Variants in MAP3K7 observed in about 807,000 individuals in gnomAD.
MAP3K7 encodes mitogen-activated protein kinase kinase kinase 7.
In MAP3K7, 21 loss-of-function variants were observed where a neutral mutation model predicts 84.8. That is an observed-to-expected ratio of 0.25 (90% confidence interval 0.18 to 0.36). MAP3K7 has a LOEUF of 0.36. Ranked by LOEUF, MAP3K7 falls within the 10% of genes least tolerant of loss-of-function variation. MAP3K7 has a pLI of 1.00. For missense variants in MAP3K7, 503 were observed against 747.7 expected (o/e 0.67, Z 3.82); for synonymous variants, 241 against 247.7 (o/e 0.97, Z 0.25).
chr6:90,528,397 G>A (rs1582168655), intron 13 of MAP3K7, among the ~76,000 whole-genome samples: 1 of 151,064 alleles, frequency 6.6e-6, no homozygotes, highest in Non-Finnish European at 1.5e-5. Context: ...AGAATCCATC[G>A]TATGTGAGTT....
In MAP3K7 at chr6:90,560,302, C is replaced by T. The variant is rs1279750670; in HGVS notation, c.344-88G>A. The T allele has an allele frequency of 5.1e-6, 7 of 1,366,408 alleles. No homozygotes were observed. In the East Asian group the frequency reaches 1.2e-4, roughly 23 times the overall value. The allele number at this position is 1,366,408 out of a possible 1,614,324, so 84.6% of individuals were successfully genotyped here. A position where few individuals can be genotyped will look rare whatever the true frequency, so the allele number is the denominator to read the frequency against. ...ATGCAAGCACTATCAGAACACATGA[C>T]TGGGTATTTTTCTACATATACATAT... On this transcript the variant is annotated intron_variant, in intron 4 of 16. Transcript: ENST00000369329.
At position 90,529,299 on chromosome 6, in the gene MAP3K7, G is replaced by GCGTAGT. The variant is rs901133538; in HGVS notation, c.1357-5517_1357-5516insACTACG. Among the ~76,000 whole-genome samples, 26 of 152,068 alleles carry GCGTAGT rather than the reference G, an allele frequency of 1.7e-4. 1 individual carries two copies. On this transcript the variant is annotated intron_variant, in intron 13 of 16. Transcript: ENST00000369329. ...AAAGATAATACGGCGTAGTGCACAG[G>GCGTAGT]GCATGCATAAAACTGAACCAGATAA...
chr6:90,556,637 A>G lies in MAP3K7; in HGVS notation c.483-13T>C. 6.4e-7 allele frequency: 1 copy of G among 1,573,984 alleles called. No homozygotes were observed. Among genetic ancestry groups the G allele is most frequent in the Non-Finnish European group, 8.6e-7 (1 of 1,167,356 alleles). On this transcript the variant is annotated splice_polypyrimidine_tract_variant and intron_variant, in intron 5 of 16. Coordinates refer to ENST00000369329, the MANE Select transcript of MAP3K7 (RefSeq NM_145331.3). Reference sequence around the variant, plus strand: ...AACCAGCAGTAAGCTGTTTAAAAAAAAACAAAAAACATCAAAAGTTACAAG... The same window carrying G: ...AACCAGCAGTAAGCTGTTTAAAAAAGAACAAAAAACATCAAAAGTTACAAG...
At chr6:90,570,477 T>C (rs985955518) in intron 2 of MAP3K7, among the ~76,000 whole-genome samples, 7 of 152,126 alleles carry the variant, frequency 4.6e-5, no homozygotes, top group Admixed American at 3.9e-4. Context: ...CTATCTCTTA[T>C]CATCCCAGCA....
chr6:90,539,092 G>C (rs1775771153), intron 12 of MAP3K7, among the ~76,000 whole-genome samples: 1 of 151,758 alleles, frequency 6.6e-6, no homozygotes, highest in Admixed American at 6.6e-5. Context: ...TTACATTACT[G>C]CTTCATGGTA....
intron 1 of MAP3K7, among the ~76,000 whole-genome samples, chr6:90,580,535 C>T (rs982187190): frequency 2.0e-5 from 3 of 152,118 alleles, no homozygotes; most frequent in Non-Finnish European, 2.9e-5. Context: ...TGCCCAGACT[C>T]GTCTCAAACT....
chr6:90,527,507 T>C (rs1404741673), intron 13 of MAP3K7, among the ~76,000 whole-genome samples: 2 of 152,146 alleles, frequency 1.3e-5, no homozygotes, highest in Non-Finnish European at 2.9e-5. Flanking sequence ...GCTCAAGCGA[T>C]CCTCCTGCCT....
intron 2 of MAP3K7, among the ~76,000 whole-genome samples, 191 bp downstream of exon 2, chr6:90,571,506 C>T (rs1776898897): frequency 6.6e-6 from 1 of 151,930 alleles, no homozygotes; most frequent in Admixed American, 6.6e-5. Context: ...TCGCTTTTCC[C>T]CTAATTTTTA....
In MAP3K7 at chr6:90,515,866, C is replaced by T. The variant is rs1207939422; in HGVS notation, c.*635G>A. On this transcript the variant is annotated 3_prime_UTR_variant, in exon 17 of 17. Coordinates refer to ENST00000369329, the MANE Select transcript of MAP3K7 (RefSeq NM_145331.3). ...CAATCAAATTTTAGTCTAACAAAAT[C>T]CGGTAAAACTGCTTTCATTAAATAG... 1 of 152,374 alleles carries T rather than the reference C, an allele frequency of 6.6e-6. No homozygotes were observed. The highest frequency in any genetic ancestry group is 2.4e-5 in the African/African-American group (1 of 41,398). The allele number at this position is 152,374 out of a possible 1,614,324, so 9.4% of individuals were successfully genotyped here. A position where few individuals can be genotyped will look rare whatever the true frequency, so the allele number is the denominator to read the frequency against.
intron 13 of MAP3K7, among the ~76,000 whole-genome samples, chr6:90,526,675 T>C (rs900767108): frequency 9.3e-4 from 141 of 151,614 alleles, no homozygotes; most frequent in African/African-American, 3.2e-3. Context: ...AAATGAAAAA[T>C]AGTAAAAGAT....
At position 90,514,413 on chromosome 6, in the gene MAP3K7, A is replaced by G. The variant is rs1774891751; in HGVS notation, c.*2088T>C. On this transcript the variant is annotated 3_prime_UTR_variant, in exon 17 of 17. Transcript: ENST00000369329. ...AACTACAGTACTGAAAATCTCAAGG[A>G]ACTTACTGTAAACAAACAAGCAACT... is the stretch of plus-strand genomic sequence containing the variant. 1 of 152,046 alleles carries G rather than the reference A, an allele frequency of 6.6e-6. No individual in the cohort carries two copies. Among genetic ancestry groups the G allele is most frequent in the Non-Finnish European group, 1.5e-5 (1 of 67,968 alleles). 9.4% of individuals were successfully genotyped at this position (152,046 alleles called of 1,614,324 possible). A position where few individuals can be genotyped will look rare whatever the true frequency, so the allele number is the denominator to read the frequency against.
intron 1 of MAP3K7, among the ~76,000 whole-genome samples, chr6:90,583,771 A>C (rs1475649669): frequency 6.6e-6 from 1 of 152,188 alleles, no homozygotes; most frequent in Admixed American, 6.5e-5. Context: ...AACACTTTCC[A>C]CTATACTACC....
intron 6 of MAP3K7, among the ~76,000 whole-genome samples, chr6:90,555,400 C>T (rs1488010820): frequency 1.4e-4 from 22 of 151,970 alleles, no homozygotes; most frequent in East Asian, 3.9e-4. Flanking sequence ...GGACTACGGG[C>T]GCCCGCCACC....
Position 90,586,849 on chromosome 6 carries a change from G to A in MAP3K7, c.35C>T (p.Ser12Leu). The A allele has an allele frequency of 1.3e-6, 2 of 1,505,796 alleles. No individual in the cohort carries two copies. Among genetic ancestry groups the A allele is most frequent in the East Asian group, 2.5e-5 (1 of 39,772 alleles). 93.3% of individuals were successfully genotyped at this position (1,505,796 alleles called of 1,614,324 possible). A position where few individuals can be genotyped will look rare whatever the true frequency, so the allele number is the denominator to read the frequency against. The change falls in exon 1 of 17, where the codon TCG becomes TTG. Residue 12 changes from serine to leucine, a missense_variant. Physicochemically the swap from Ser to Leu is moderately radical, Grantham distance 145. Transcript: ENST00000369329. ...STASAASSSS[S>L]SSAGEMIEAP... ...TTCGATCATCTCACCGGCCGAAGAC[G>A]AGGAGGAGGAGGAGGCGGCAGAGGC...
intron 12 of MAP3K7, among the ~76,000 whole-genome samples, chr6:90,538,773 TAA>T (rs1304384067): frequency 1.3e-5 from 2 of 151,884 alleles, no homozygotes; most frequent in African/African-American, 4.8e-5. Flanking sequence ...AGCTGGTATT[TAA>T]AAGTTATCCC....
rs1475915134 is a variant in MAP3K7 at position 90,544,501 on chromosome 6, T to C, written c.1291+51A>G. ...AGAAGCATTTTACAAGTACCAGGGA[T>C]CATTATTCCGGTTCCACAGCTATTA... On this transcript the variant is annotated intron_variant, in intron 12 of 16. Transcript: ENST00000369329. The C allele has an allele frequency of 2.0e-6, 3 of 1,489,996 alleles. No homozygotes were observed. The African/African-American group carries it at 4.2e-5, about 21-fold the overall frequency. The allele number at this position is 1,489,996 out of a possible 1,614,324, so 92.3% of individuals were successfully genotyped here.
chr6:90,582,732 T>C (rs943879167), intron 1 of MAP3K7, among the ~76,000 whole-genome samples: 5 of 152,214 alleles, frequency 3.3e-5, no homozygotes, highest in Non-Finnish European at 7.3e-5. Context: ...TGATTAACTC[T>C]ATTTTCAAAT....
At chr6:90,521,119 T>C (rs1348759905) in intron 14 of MAP3K7, among the ~76,000 whole-genome samples, 2 of 152,066 alleles carry the variant, frequency 1.3e-5, no homozygotes, top group Non-Finnish European at 2.9e-5. Context: ...TTAAGGTCCT[T>C]CATTGAATTT....
At position 90,516,439 on chromosome 6, in the gene MAP3K7, T is replaced by C; in HGVS notation, c.*62A>G. On this transcript the variant is annotated 3_prime_UTR_variant, in exon 17 of 17. Transcript: ENST00000369329. The stretch of plus-strand genomic sequence containing the variant: ...CACTCATGAATCGTCATTATAAGGT[T>C]TTCCTTTCCTTAAAAAAAAAGTCTT... 6.5e-7 allele frequency: 1 copy of C among 1,546,524 alleles called. No individual in the cohort carries two copies. Among genetic ancestry groups the C allele is most frequent in the Admixed American group, 1.9e-5 (1 of 51,844 alleles).
Sources: gnomAD v4.1 joint callset for allele counts (sites outside exome capture counted in the v4.1 genomes callset) on GRCh38, gnomAD v4.1.1 for gene constraint, MANE v1.5 for transcripts, NCBI Gene and HGNC (gene_info 2026-07-23, HGNC 2026-07-21) for gene names.